The following APOB variants were observed in gnomAD, a reference collection of about 807,000 sequenced individuals.
APOB encodes the protein apolipoprotein B-100.
A neutral mutation model predicts 314.1 loss-of-function variants in APOB; 153 were observed. The observed-to-expected ratio is 0.49, with a 90% CI of 0.43 to 0.56. The LOEUF (loss-of-function observed/expected upper bound fraction) is 0.56, where lower values mean the gene tolerates loss of function less well. APOB is among the 20% of genes least tolerant of loss of function. The pLI is 0.00. For missense variants in APOB, 5,430 were observed against 5,350.7 expected, an observed-to-expected ratio of 1.01 and a Z score of -0.46; for synonymous variants, 2,087 against 2,036.4, an observed-to-expected ratio of 1.02 and a Z score of -0.67.
rs996700659 is a variant in APOB, at chr2:21,029,784, A to G, written c.1472T>C (p.Val491Ala). 7.4e-6 allele frequency: 12 copies of G among 1,614,002 alleles called. No individual in the cohort carries two copies. The African/African-American group carries it at 1.6e-4, about 22-fold the overall frequency. Residue 491 changes from valine to alanine, a missense_variant and splice_region_variant, in exon 12 of 29, where the codon GTC becomes GCC. By Grantham distance (64) the Val-to-Ala change is moderately conservative. Coordinates refer to ENST00000233242, the MANE Select transcript of APOB (RefSeq NM_000384.3). Reference protein sequence around the residue: ...DEDYTYLILRVIGNMGQTMEQ... With the variant: ...DEDYTYLILRAIGNMGQTMEQ... The stretch of plus-strand genomic sequence containing the variant: ...CATGGTTTGGCCCATATTTCCAATG[A>G]CCTGCATTGAAGAAAAGAAACAAGA...
chr2:21,007,551 T>C lies in APOB; in HGVS notation c.9317A>G (p.Asn3106Ser), dbSNP rs546747242. Residue 3106 changes from asparagine (N) to serine (S), a missense_variant, in exon 26 of 29, where the codon AAC becomes AGC. By Grantham distance (46) the Asn-to-Ser change is conservative. Coordinates refer to ENST00000233242, the MANE Select transcript of APOB (RefSeq NM_000384.3). Reference protein sequence around the residue: ...YKYNQNFSAGNNENIMEAHVG... With the variant: ...YKYNQNFSAGSNENIMEAHVG... ...ATGGGCCTCCATAATGTTCTCGTTG[T>C]TTCCAGCAGAGAAATTTTGGTTGTA... 22 of 1,614,122 alleles carry C rather than the reference T, an allele frequency of 1.4e-5. No homozygotes were observed. The African/African-American group carries it at 2.5e-4, about 19-fold the overall frequency.
rs772993823 is a variant in APOB, at chr2:21,007,000, C to T, written c.9868G>A (p.Val3290Ile). ...MPSFSILGSD[V>I]RVPSYTLILP... ...ATTAATGTGTATGAAGGCACACGGACGTCAGAACCTAGGATGGAGAAACTA... is the reference window on the plus strand; with the variant it reads ...ATTAATGTGTATGAAGGCACACGGATGTCAGAACCTAGGATGGAGAAACTA... Residue 3290 changes from valine to isoleucine, a missense_variant, in exon 26 of 29, where the codon GTC (valine) becomes ATC (isoleucine). Coordinates refer to ENST00000233242, the MANE Select transcript of APOB (RefSeq NM_000384.3). The T allele has an allele frequency of 2.5e-5, 41 of 1,613,896 alleles. No homozygotes were observed. The African/African-American group carries it at 3.2e-4, about 13-fold the overall frequency.
At chr2:21,020,893 G>A (rs1434808164) in intron 18 of APOB, among the ~76,000 whole-genome samples, 1 of 152,052 alleles carries the variant, frequency 6.6e-6, no homozygotes, top group Admixed American at 6.5e-5. Context: ...TGCTTCTCTG[G>A]TCACTTCTTC....
chr2:21,037,009 C>A, intron 6 of APOB, 91 bp downstream of exon 6: 1 of 1,539,880 alleles, frequency 6.5e-7, no homozygotes, highest in African/African-American at 1.4e-5. Flanking sequence ...GCAGGCTGTC[C>A]TCAAAGGTGC....
Position 21,023,655 on chromosome 2 carries a change from A to C in APOB, c.2474T>G (p.Phe825Cys), listed in dbSNP as rs766425432. ...EVIRKGSKND[F>C]FLHYIFMENA... ...CTCCATGAAGATGTAGTGAAGAAAA[A>C]AGTCATTCTTTGAGCCCTTCCTGAT... Residue 825 changes from phenylalanine (F) to cysteine (C), a missense_variant, in exon 17 of 29, where the codon TTT becomes TGT. Coordinates refer to ENST00000233242, the MANE Select transcript of APOB (RefSeq NM_000384.3). 1.9e-6 allele frequency: 3 copies of C among 1,613,058 alleles called. No individual in the cohort carries two copies. The South Asian group carries it at 3.3e-5, about 18-fold the overall frequency.
chr2:21,041,478 G>A (rs1664131379), intron 3 of APOB, among the ~76,000 whole-genome samples: 1 of 152,230 alleles, frequency 6.6e-6, no homozygotes, highest in African/African-American at 2.4e-5. Context: ...CGTTTCCACA[G>A]CAAATGTCTC....
chr2:21,018,768 C>G (rs950329333), intron 20 of APOB, among the ~76,000 whole-genome samples: 45 of 152,154 alleles, frequency 3.0e-4, no homozygotes, highest in African/African-American at 1.1e-3. Flanking sequence ...CTGTAACTTC[C>G]ATGAAGGCAG....
chr2:21,015,238 T>C lies in APOB; in HGVS notation c.3531A>G (p.Glu1177=). ...WHYDEEKIEF[E]WNTGTNVDTK... ...TATCTACATTGGTGCCTGTGTTCCA[T>C]TCAAATTCAATCTTCTCTTCATCTG... Residue 1177 remains glutamate, a synonymous_variant, in exon 23 of 29, where the codon GAA becomes GAG. Transcript: ENST00000233242. The C allele has an allele frequency of 6.2e-7, 1 of 1,614,224 alleles. No homozygotes were observed. Among genetic ancestry groups the C allele is most frequent in the Non-Finnish European group, 8.5e-7 (1 of 1,180,042 alleles).
At position 21,043,935 on chromosome 2, in the gene APOB, G is replaced by A. The variant is rs1270559010; in HGVS notation, c.11C>T (p.Pro4Leu). The A allele has an allele frequency of 2.9e-6, 4 of 1,358,192 alleles. No homozygotes were observed. The South Asian group carries it at 5.2e-5, about 18-fold the overall frequency. The allele number at this position is 1,358,192 out of a possible 1,614,324, so 84.1% of individuals were successfully genotyped here. The change falls in exon 1 of 29, where the codon CCG becomes CTG. Residue 4 changes from proline to leucine, a missense_variant. This residue lies in a region of APOB where 2,085 missense variants were observed against 2,079.7 expected (regional missense o/e 1.00). Transcript: ENST00000233242. ...CAGCAGCGCCAGCAGCGCGGGCCTC[G>A]GCGGGTCCATCGCCAGCTGCGGTGG... Reference protein sequence around the residue: MDPPRPALLALLAL... With the variant: MDPLRPALLALLAL...
chr2:21,040,982 C>T lies in APOB; in HGVS notation c.339G>A (p.Leu113=), dbSNP rs1367232226. Residue 113 remains leucine (L), a synonymous_variant, in exon 4 of 29, where the codon CTG becomes CTA. Coordinates refer to ENST00000233242, the MANE Select transcript of APOB (RefSeq NM_000384.3). ...ACTCCTCAGAGTTCTTGGTTTTCTT[C>T]AGCAAGGCTTTGCCCTCAGGGTTGA... is the stretch of plus-strand genomic sequence containing the variant. ...YGFNPEGKAL[L]KKTKNSEEFA... 6.2e-7 allele frequency: 1 copy of T among 1,614,024 alleles called. No homozygotes were observed. Among genetic ancestry groups the T allele is most frequent in the East Asian group, 2.2e-5 (1 of 44,882 alleles).
In APOB at chr2:21,007,555, C is replaced by T; in HGVS notation, c.9313G>A (p.Gly3105Arg). The T allele has an allele frequency of 6.2e-7, 1 of 1,614,066 alleles. No homozygotes were observed. The highest frequency in any genetic ancestry group is 2.2e-5 in the East Asian group (1 of 44,876). ...QYKYNQNFSA[G>R]NNENIMEAHV... ...GCCTCCATAATGTTCTCGTTGTTTC[C>T]AGCAGAGAAATTTTGGTTGTACTTA... Residue 3105 changes from glycine (G) to arginine (R), a missense_variant, in exon 26 of 29, where the codon GGA (glycine) becomes AGA (arginine). Gly to Arg is a moderately radical substitution (Grantham distance 125). Coordinates refer to ENST00000233242, the MANE Select transcript of APOB (RefSeq NM_000384.3).
At chr2:21,043,642 C>T in intron 1 of APOB, 91 bp from the exon 2 acceptor site, 1 of 1,540,052 alleles carries the variant, frequency 6.5e-7, no homozygotes, top group Non-Finnish European at 8.8e-7. Flanking sequence ...ACAGGTTTCA[C>T]CTTTCAGGAG....
rs1355790980 is a variant in APOB at position 21,043,993 on chromosome 2, T to C, written c.-48A>G. 2.9e-6 allele frequency: 3 copies of C among 1,028,552 alleles called. No homozygotes were observed. The highest frequency in any genetic ancestry group is 3.7e-6 in the Non-Finnish European group (3 of 807,618). 63.7% of individuals were successfully genotyped at this position (1,028,552 alleles called of 1,614,324 possible). On this transcript the variant is annotated 5_prime_UTR_variant, in exon 1 of 29. Coordinates refer to ENST00000233242, the MANE Select transcript of APOB (RefSeq NM_000384.3). ...CCTGGGCTGCGGCCTGGCCTCGGCC[T>C]CGCGGCCCTGGCTGGCTGGGCGGGC...
Position 21,036,508 on chromosome 2 carries a change from C to T in APOB, c.693+592G>A, listed in dbSNP as rs915257073. ...GAAGATGTTGCAGGGGTCAGGCAGG[C>T]TCAGGTAATATGGTGCTCCATGGCC... On this transcript the variant is annotated intron_variant, in intron 6 of 28. Coordinates refer to ENST00000233242, the MANE Select transcript of APOB (RefSeq NM_000384.3). Among the ~76,000 whole-genome samples the T allele has an allele frequency of 9.2e-5, 14 of 152,248 alleles. No individual in the cohort carries two copies. In the South Asian group the frequency reaches 1.0e-3, roughly 11 times the overall value.
Position 21,002,079 on chromosome 2 carries a change from A to T in APOB, c.13343T>A (p.Ile4448Asn), listed in dbSNP as rs776485634. The T allele has an allele frequency of 1.5e-5, 25 of 1,613,888 alleles. No homozygotes were observed. In the African/African-American group the frequency reaches 3.1e-4, roughly 20 times the overall value. Residue 4448 changes from isoleucine (I) to asparagine (N), a missense_variant, in exon 29 of 29, where the codon ATT (isoleucine) becomes AAT (asparagine). Transcript: ENST00000233242. Reference protein sequence around the residue: ...SQVEQFLHRNIQEYLSILTDP... With the variant: ...SQVEQFLHRNNQEYLSILTDP... ...GGTAAGGATGCTAAGATATTCCTGAATATTTCTGTGCAGAAATTGCTCAAC... is the reference window on the plus strand; with the variant it reads ...GGTAAGGATGCTAAGATATTCCTGATTATTTCTGTGCAGAAATTGCTCAAC...
chr2:21,016,525 TTCA>T lies in APOB; in HGVS notation c.3243_3245del (p.Asp1081del). The T allele has an allele frequency of 6.2e-7, 1 of 1,606,082 alleles. No homozygotes were observed. Among genetic ancestry groups the T allele is most frequent in the Non-Finnish European group, 8.5e-7 (1 of 1,172,680 alleles). On this transcript the variant is annotated inframe_deletion, in exon 21 of 29. Transcript: ENST00000233242. The stretch of plus-strand genomic sequence containing the variant: ...TGTAAGACGTTTTGCCCTCAGTAGA[TTCA>T]TCATTAACTCTGAGGATTGTTCCGA...
At position 21,043,502 on chromosome 2, in the gene APOB, A is replaced by G. The variant is rs1482022670; in HGVS notation, c.121+11T>C. ...GGGCGCCCTTCCACGCCCCATGCGCAGATGCCTTACTTGGACAGACCAGGC... is the reference window on the plus strand; with the variant it reads ...GGGCGCCCTTCCACGCCCCATGCGCGGATGCCTTACTTGGACAGACCAGGC... On this transcript the variant is annotated intron_variant, in intron 2 of 28. Coordinates refer to ENST00000233242, the MANE Select transcript of APOB (RefSeq NM_000384.3). 3 of 1,601,282 alleles carry G rather than the reference A, an allele frequency of 1.9e-6. No individual in the cohort carries two copies. The Admixed American group carries it at 5.2e-5, about 28-fold the overall frequency.
chr2:21,032,362 C>T lies in APOB; in HGVS notation c.1344G>A (p.Ala448=), dbSNP rs148985217. The part of the protein sequence containing the change: ...SRATLYALSH[A]VNNYHKTNPT... ...ACAGTGTGGAAACTCACTTGTTGAC[C>T]GCGTGGCTCAGCGCATACAAGGTGG... The change falls in exon 10 of 29, where the codon GCG becomes GCA. Residue 448 remains alanine (A), a synonymous_variant. Transcript: ENST00000233242. The T allele has an allele frequency of 5.3e-5, 85 of 1,612,852 alleles. No individual in the cohort carries two copies. Among genetic ancestry groups the T allele is most frequent in the Non-Finnish European group, 6.8e-5 (80 of 1,179,946 alleles).
At position 21,040,564 on chromosome 2, in the gene APOB, GC is replaced by G. The variant is rs374896303; in HGVS notation, c.383+373del. Among the ~76,000 whole-genome samples the G allele has an allele frequency of 6.9e-4, 105 of 152,300 alleles. 1 individual carries two copies. Among genetic ancestry groups the G allele is most frequent in the African/African-American group, 2.3e-3 (96 of 41,578 alleles). The stretch of plus-strand genomic sequence containing the variant: ...CTCTGCCCTGCGGTGAACAGACCCT[GC>G]CCCGCCATGTGCCGGCCACAGCAGC... On this transcript the variant is annotated intron_variant, in intron 4 of 28. Transcript: ENST00000233242.
Sources: allele counts gnomAD v4.1 joint callset (sites outside exome capture counted in the v4.1 genomes callset), GRCh38; gene constraint gnomAD v4.1.1; regional missense constraint gnomAD v4.1.1; transcripts MANE v1.5; gene names NCBI Gene and HGNC (gene_info 2026-07-23, HGNC 2026-07-21).